SRSF7: variants seen among roughly 807,000 people sequenced by gnomAD.
The protein encoded by SRSF7 is serine and arginine rich splicing factor 7, also known as serine/arginine-rich splicing factor 7.
A neutral mutation model predicts 42.2 loss-of-function variants in SRSF7; 15 were observed. That is an observed-to-expected ratio of 0.36 (90% CI 0.24 to 0.55). SRSF7 has a LOEUF of 0.55. Ranked by LOEUF, SRSF7 falls within the 20% of genes least tolerant of loss-of-function variation. The probability of loss-of-function intolerance (pLI) is 0.88; values close to 1 mark genes in which losing one functional copy is unlikely to be tolerated. For synonymous variants in SRSF7, 138 were observed against 107.9 expected (o/e 1.28, Z -1.73); for missense variants, 181 against 305.9 (o/e 0.59, Z 3.04).
At chr2:38,749,862 A>G in intron 2 of SRSF7, 152 bp downstream of exon 2, 2 of 1,215,960 alleles carry the variant, frequency 1.6e-6, no homozygotes, top group South Asian at 1.6e-5. Context: ...CATCTCCGCT[A>G]TCTTCTTTAA....
At chr2:38,751,071 A>G (rs1668274480) in intron 1 of SRSF7, 158 bp downstream of exon 1, 4 of 914,600 alleles carry the variant, frequency 4.4e-6, no homozygotes, top group Non-Finnish European at 5.2e-6. Flanking sequence ...GTCTCCCTTC[A>G]GCACCCCGCC....
chr2:38,749,796 T>C, intron 2 of SRSF7, 91 bp from the exon 3 acceptor site: 1 of 1,366,420 alleles, frequency 7.3e-7, no homozygotes, highest in African/African-American at 1.5e-5. Context: ...ACTCACTCTT[T>C]CCAACCACTC....
intron 4 of SRSF7, 34 bp from the exon 5 acceptor site, chr2:38,748,191 T>A: frequency 1.7e-6 from 1 of 583,882 alleles, no homozygotes; most frequent in Non-Finnish European, 2.4e-6. Flanking sequence ...ATCTCCACAG[T>A]TTTTTTTTTT....
intron 3 of SRSF7, 119 bp from the exon 4 acceptor site, chr2:38,748,772 T>C: frequency 7.8e-7 from 1 of 1,282,208 alleles, no homozygotes; most frequent in East Asian, 2.4e-5. Context: ...CATTTGGAAA[T>C]AAACTCTGGG....
intron 3 of SRSF7, chr2:38,749,302 G>A: frequency 6.7e-7 from 1 of 1,492,062 alleles, no homozygotes; most frequent in Non-Finnish European, 9.0e-7. Context: ...ATATCATAAG[G>A]CTCGTGACAT....
chr2:38,746,004 T>C (rs1459096553), intron 7 of SRSF7, 140 bp downstream of exon 7: 4 of 759,250 alleles, frequency 5.3e-6, no homozygotes, highest in Non-Finnish European at 8.5e-6. Flanking sequence ...AAAAAAAGTA[T>C]TTCAGAAACT....
In SRSF7 at chr2:38,751,331, C is replaced by T; in HGVS notation, c.-75G>A. The stretch of plus-strand genomic sequence containing the variant: ...GAGTGACGCAAAAGCTGACACACAC[C>T]TTCACCCGCCAAGAGTCCCGGCGGC... On this transcript the variant is annotated 5_prime_UTR_variant, in exon 1 of 8. Transcript: ENST00000313117. The T allele has an allele frequency of 1.7e-4, 276 of 1,600,578 alleles. No individual in the cohort carries two copies. Among genetic ancestry groups the T allele is most frequent in the East Asian group, 5.6e-4 (25 of 44,600 alleles).
Position 38,748,044 on chromosome 2 carries a change from T to C in SRSF7, c.572+3A>G. The C allele has an allele frequency of 6.2e-7, 1 of 1,608,178 alleles. No individual in the cohort carries two copies. Among genetic ancestry groups the C allele is most frequent in the Non-Finnish European group, 8.5e-7 (1 of 1,175,048 alleles). On this transcript the variant is annotated splice_donor_region_variant and intron_variant, in intron 5 of 7. Coordinates refer to ENST00000313117, the MANE Select transcript of SRSF7 (RefSeq NM_001031684.3). ...ACAAGTAAGGAAAAAAAGTGTTACA[T>C]ACTGGAAATACCTCGATCCTTTTAT...
intron 5 of SRSF7, 56 bp downstream of exon 5, chr2:38,747,991 C>G: frequency 7.7e-7 from 1 of 1,296,318 alleles, no homozygotes; most frequent in Non-Finnish European, 1.1e-6. Context: ...TTAAGACACT[C>G]TACTGATAAG....
chr2:38,746,891 C>A, intron 5 of SRSF7, 144 bp from the exon 6 acceptor site: 19 of 1,365,922 alleles, frequency 1.4e-5, no homozygotes, highest in East Asian at 2.5e-5. Flanking sequence ...GTCTAACACA[C>A]TGTCAAACAA....
At chr2:38,748,738 C>T in intron 3 of SRSF7, 85 bp from the exon 4 acceptor site, 1 of 1,413,624 alleles carries the variant, frequency 7.1e-7, no homozygotes, top group African/African-American at 1.4e-5. Flanking sequence ...AATCAAATCT[C>T]AAAACTATTT....
In SRSF7 at chr2:38,746,739, G is replaced by T; in HGVS notation, c.581C>A (p.Ser194Ter). ...AGACCTGGATCTTGATCTTGACCTC[G>T]ACGGGGATCTTAATAAAAAAAGTGA... ...IKGSRYFQSP[S>*]RSRSRSRSIS... The change falls in exon 6 of 8, where the codon TCG becomes TAG. Residue 194 changes from serine to a stop codon, truncating the protein, a stop_gained. Coordinates refer to ENST00000313117, the MANE Select transcript of SRSF7 (RefSeq NM_001031684.3). LOFTEE classifies it high-confidence loss of function. 1 of 1,613,464 alleles carries T rather than the reference G, an allele frequency of 6.2e-7. No homozygotes were observed.
Position 38,751,359 on chromosome 2 carries a change from T to G in SRSF7, c.-103A>C. The G allele has an allele frequency of 2.0e-6, 3 of 1,525,412 alleles. No homozygotes were observed. The highest frequency in any genetic ancestry group is 2.3e-5 in the East Asian group (1 of 44,050). 94.5% of individuals were successfully genotyped at this position (1,525,412 alleles called of 1,614,324 possible). A position where few individuals can be genotyped will look rare whatever the true frequency, so the allele number is the denominator to read the frequency against. ...CACCCGCCAAGAGTCCCGGCGGCAC[T>G]ACGAGGAAGAGCCCGGGTTCGCGTT... On this transcript the variant is annotated 5_prime_UTR_variant, in exon 1 of 8. Coordinates refer to ENST00000313117, the MANE Select transcript of SRSF7 (RefSeq NM_001031684.3).
intron 2 of SRSF7, 59 bp downstream of exon 2, chr2:38,749,955 G>A (rs1040319406): frequency 9.8e-6 from 15 of 1,524,432 alleles, no homozygotes; most frequent in Middle Eastern, 1.8e-4. Flanking sequence ...TTAGCACTAA[G>A]TTCATTATCT....
intron 3 of SRSF7, chr2:38,749,051 C>G: frequency 7.7e-7 from 1 of 1,305,498 alleles, no homozygotes; most frequent in Non-Finnish European, 1.0e-6. Flanking sequence ...GCTTGATTGA[C>G]GCAAGAAGAT....
Position 38,743,739 on chromosome 2 carries a change from G to C in SRSF7, c.*1394C>G. 1 of 152,618 alleles carries C rather than the reference G, an allele frequency of 6.6e-6. No homozygotes were observed. Among genetic ancestry groups the C allele is most frequent in the Non-Finnish European group, 1.5e-5 (1 of 68,042 alleles). 9.5% of individuals were successfully genotyped at this position (152,618 alleles called of 1,614,324 possible). Reference sequence around the variant, plus strand: ...CTTTATACCAACCATAATTCAGCCAGTCAAAATTCCAAAAACAATCCAAAT... The same window carrying C: ...CTTTATACCAACCATAATTCAGCCACTCAAAATTCCAAAAACAATCCAAAT... On this transcript the variant is annotated 3_prime_UTR_variant, in exon 8 of 8. Coordinates refer to ENST00000313117, the MANE Select transcript of SRSF7 (RefSeq NM_001031684.3).
At chr2:38,750,965 C>T (rs1281216677) in intron 1 of SRSF7, 2 of 416,274 alleles carry the variant, frequency 4.8e-6, no homozygotes, top group African/African-American at 2.0e-5. Context: ...AGAAAGGCAA[C>T]GCGAAAACCG....
chr2:38,745,849 C>A (rs1209080635), intron 7 of SRSF7, among the ~76,000 whole-genome samples: 1 of 152,170 alleles, frequency 6.6e-6, no homozygotes, highest in Non-Finnish European at 1.5e-5. Flanking sequence ...CACTTTGTAT[C>A]TATTGTACAT....
upstream of SRSF7, chr2:38,751,450 G>A (rs1264520413): frequency 2.8e-6 from 2 of 707,532 alleles, no homozygotes; most frequent in Non-Finnish European, 4.7e-6. Context: ...CAAAGGAGCT[G>A]GGCGGAAACA....
Sources: allele counts gnomAD v4.1 joint callset (sites outside exome capture counted in the v4.1 genomes callset), GRCh38; gene constraint gnomAD v4.1.1; transcripts MANE v1.5; gene names NCBI Gene and HGNC (gene_info 2026-07-23, HGNC 2026-07-21).